VPS13B: variants seen among roughly 807,000 people sequenced by gnomAD.
The protein encoded by VPS13B is vacuolar protein sorting 13 homolog B.
In VPS13B, 285 loss-of-function variants were observed where a neutral mutation model predicts 426.4. That is an observed-to-expected ratio of 0.67 (90% CI 0.61 to 0.74). VPS13B has a LOEUF of 0.74. Among genes scored for constraint, VPS13B ranks in the 30% least tolerant of loss-of-function variants. The pLI, the probability that VPS13B is intolerant of heterozygous loss-of-function variation, is 0.00. For missense variants in VPS13B, 4,537 were observed against 4,782.6 expected (o/e 0.95, Z 1.51); for synonymous variants, 1,676 against 1,676.4 (o/e 1.00, Z 0.01).
chr8:99,237,557 C>T (rs1301004817), intron 17 of VPS13B, among the ~76,000 whole-genome samples: 1 of 151,988 alleles, frequency 6.6e-6, no homozygotes, highest in African/African-American at 2.4e-5. Context: ...AATAAATAAA[C>T]ATTTGATAAA....
At chr8:99,868,597 T>C in intron 59 of VPS13B, 132 bp downstream of exon 59, 1 of 1,074,754 alleles carries the variant, frequency 9.3e-7, no homozygotes, top group Non-Finnish European at 1.4e-6. Flanking sequence ...TCTATGCTTA[T>C]TTACACAGAG....
chr8:99,838,531 T>G (rs913221298), intron 54 of VPS13B, among the ~76,000 whole-genome samples: 5 of 152,370 alleles, frequency 3.3e-5, no homozygotes, highest in Admixed American at 6.5e-5. Flanking sequence ...GCCTGCTTCA[T>G]TCATTCAGTC....
chr8:99,062,001 A>G (rs1320434836), intron 3 of VPS13B, among the ~76,000 whole-genome samples: 1 of 152,204 alleles, frequency 6.6e-6, no homozygotes, highest in African/African-American at 2.4e-5. Context: ...GGTGCCTATG[A>G]TGTTTCACCT....
At chr8:99,040,189 A>G (rs1183073426) in intron 3 of VPS13B, among the ~76,000 whole-genome samples, 1 of 152,172 alleles carries the variant, frequency 6.6e-6, no homozygotes, top group East Asian at 1.9e-4. Context: ...ACAGAGGCAA[A>G]TTACAACTAA....
At chr8:99,302,441 ATCT>A (rs1820417445) in intron 19 of VPS13B, among the ~76,000 whole-genome samples, 1 of 152,186 alleles carries the variant, frequency 6.6e-6, no homozygotes, top group Admixed American at 6.5e-5. Context: ...ATTGGGCAAA[ATCT>A]TCTAACACAA....
chr8:99,396,105 ATAAT>A (rs976980646), intron 21 of VPS13B, among the ~76,000 whole-genome samples: 33 of 152,282 alleles, frequency 2.2e-4, no homozygotes, highest in African/African-American at 7.5e-4. Context: ...CCGTGGGATG[ATAAT>A]TAATTATGGT....
At chr8:99,401,971 G>A (rs1025492940) in intron 21 of VPS13B, among the ~76,000 whole-genome samples, 6 of 152,120 alleles carry the variant, frequency 3.9e-5, no homozygotes, top group Non-Finnish European at 5.9e-5. Flanking sequence ...CTGGACTCAG[G>A]CCAGGAACAC....
At position 99,274,200 on chromosome 8, in the gene VPS13B, G is replaced by T. The variant is rs141694201; in HGVS notation, c.2518G>T (p.Val840Leu). ...LINEIFLSIG[V>L]KSKNPLPTLE... ...CATTTGCAGTTTTCTTTTATTAGGTGTGAAATCTAAGAATCCCCTGCCAAC... is the reference window on the plus strand; with the variant it reads ...CATTTGCAGTTTTCTTTTATTAGGTTTGAAATCTAAGAATCCCCTGCCAAC... Residue 840 changes from valine to leucine, a missense_variant and splice_region_variant, in exon 18 of 62, where the codon GTG becomes TTG. By Grantham distance (32) the Val-to-Leu change is conservative. Around this residue, in one of 2 missense-constraint regions of VPS13B, gnomAD observed 4,311 missense variants for 4,474.3 expected, o/e 0.96. Coordinates refer to ENST00000357162, the MANE Select transcript of VPS13B (RefSeq NM_152564.5). The T allele has an allele frequency of 6.2e-7, 1 of 1,614,080 alleles. No individual in the cohort carries two copies. Among genetic ancestry groups the T allele is most frequent in the South Asian group, 1.1e-5 (1 of 91,074 alleles).
intron 3 of VPS13B, among the ~76,000 whole-genome samples, chr8:99,068,370 T>G (rs934233020): frequency 1.3e-5 from 2 of 152,248 alleles, no homozygotes; most frequent in African/African-American, 4.8e-5. Flanking sequence ...GTGTAGTTTA[T>G]TCTGTAAATT....
chr8:99,048,097 A>G (rs1025216168), intron 3 of VPS13B, among the ~76,000 whole-genome samples: 5 of 152,172 alleles, frequency 3.3e-5, no homozygotes, highest in African/African-American at 1.2e-4. Context: ...TATTGATATT[A>G]TTGTTGACCC....
intron 39 of VPS13B, among the ~76,000 whole-genome samples, chr8:99,766,379 T>C (rs1811226911): frequency 6.6e-6 from 1 of 152,210 alleles, no homozygotes; most frequent in Non-Finnish European, 1.5e-5. Flanking sequence ...CCACCATGCC[T>C]GGCTGGCACC....
At chr8:99,253,614 T>C (rs2132928961) in intron 17 of VPS13B, among the ~76,000 whole-genome samples, 1 of 152,286 alleles carries the variant, frequency 6.6e-6, no homozygotes. Flanking sequence ...CTTGCCTACA[T>C]TGTTATATTT....
chr8:99,471,035 C>G (rs1819375185), intron 24 of VPS13B, among the ~76,000 whole-genome samples: 1 of 151,968 alleles, frequency 6.6e-6, no homozygotes, highest in African/African-American at 2.4e-5. Flanking sequence ...CATAAAAGAA[C>G]TGTTAACCTA....
intron 17 of VPS13B, among the ~76,000 whole-genome samples, chr8:99,273,445 C>T (rs1272859371): frequency 2.6e-5 from 4 of 151,824 alleles, no homozygotes; most frequent in Admixed American, 1.3e-4. Flanking sequence ...GGATTACAGG[C>T]GTGAGTCACC....
At position 99,103,118 on chromosome 8, in the gene VPS13B, C is replaced by T; in HGVS notation, c.578C>T (p.Ser193Phe). The T allele has an allele frequency of 6.2e-7, 1 of 1,613,694 alleles. No homozygotes were observed. Among genetic ancestry groups the T allele is most frequent in the Non-Finnish European group, 8.5e-7 (1 of 1,179,790 alleles). ...TGGGATCGTGCATTCATGGATATTTCTGGTGAGTAAATATGGAGAATACCG... is the reference window on the plus strand; with the variant it reads ...TGGGATCGTGCATTCATGGATATTTTTGGTGAGTAAATATGGAGAATACCG... The part of the protein sequence containing the change: ...ELWDRAFMDI[S>F]ATDLVLRKVI... Residue 193 changes from serine (S) to phenylalanine (F), a missense_variant and splice_region_variant, in exon 5 of 62, where the codon TCT becomes TTT. Coordinates refer to ENST00000357162, the MANE Select transcript of VPS13B (RefSeq NM_152564.5).
At chr8:99,591,204 G>T (rs1826654482) in intron 33 of VPS13B, among the ~76,000 whole-genome samples, 2 of 127,094 alleles carry the variant, frequency 1.6e-5, no homozygotes, top group Non-Finnish European at 3.2e-5. Flanking sequence ...TTGCTTGGTA[G>T]ATCTTCCTCC....
At position 99,532,961 on chromosome 8, in the gene VPS13B, A is replaced by G. The variant is rs1171814859; in HGVS notation, c.4745+11951A>G. 1.3e-4 allele frequency among the ~76,000 whole-genome samples: 17 copies of G among 134,196 alleles called. No individual in the cohort carries two copies. The South Asian group carries it at 2.9e-3, about 23-fold the overall frequency. 88.0% of individuals were successfully genotyped at this position (134,196 alleles called of 152,430 possible). On this transcript the variant is annotated intron_variant, in intron 30 of 61. Transcript: ENST00000357162. ...GGGTGTTTTTTTTTTTTTTTTTGAG[A>G]TGGAGTCTCACTCCGTCGGCCAGGC...
chr8:99,289,608 T>G lies in VPS13B; in HGVS notation c.2824+14354T>G, dbSNP rs531899683. The stretch of plus-strand genomic sequence containing the variant: ...TATGTGGGCATGAGAATTTCTGAAA[T>G]AATGAGCTGTAGTTGACGAAAAGCA... On this transcript the variant is annotated intron_variant, in intron 19 of 61. Coordinates refer to ENST00000357162, the MANE Select transcript of VPS13B (RefSeq NM_152564.5). 2.6e-5 allele frequency among the ~76,000 whole-genome samples: 4 copies of G among 152,172 alleles called. No homozygotes were observed. The South Asian group carries it at 8.3e-4, about 32-fold the overall frequency.
intron 33 of VPS13B, among the ~76,000 whole-genome samples, chr8:99,625,224 T>C (rs1299099728): frequency 2.0e-5 from 3 of 152,050 alleles, no homozygotes; most frequent in Non-Finnish European, 4.4e-5. Flanking sequence ...AACAGGAAAA[T>C]TTTTAGAATA....
Sources: gnomAD v4.1 joint callset for allele counts (sites outside exome capture counted in the v4.1 genomes callset) on GRCh38, gnomAD v4.1.1 for gene constraint, gnomAD v4.1.1 regional missense constraint, MANE v1.5 for transcripts, NCBI Gene and HGNC (gene_info 2026-07-23, HGNC 2026-07-21) for gene names.